CRMP1: variants seen among roughly 807,000 people sequenced by gnomAD.
CRMP1 encodes the protein dihydropyrimidinase-related protein 1.
A neutral mutation model predicts 68.3 loss-of-function variants in CRMP1; 19 were observed. That is an observed-to-expected ratio of 0.28 (90% CI 0.19 to 0.41). The LOEUF (loss-of-function observed/expected upper bound fraction) is 0.41, where lower values mean the gene tolerates loss of function less well. Among genes scored for constraint, CRMP1 ranks in the 10% least tolerant of loss-of-function variants. The pLI, the probability that CRMP1 is intolerant of heterozygous loss-of-function variation, is 1.00. For synonymous variants in CRMP1, 439 were observed against 399.6 expected (o/e 1.10, Z -1.18); for missense variants, 791 against 967.4 (o/e 0.82, Z 2.42).
chr4:5,892,549 C>G lies in CRMP1; in HGVS notation c.381+40G>C, dbSNP rs998471140. 3.4e-6 allele frequency: 4 copies of G among 1,167,870 alleles called. No homozygotes were observed. The highest frequency in any genetic ancestry group is 3.2e-6 in the Non-Finnish European group (3 of 946,684). The allele number at this position is 1,167,870 out of a possible 1,614,324, so 72.3% of individuals were successfully genotyped here. On this transcript the variant is annotated intron_variant, in intron 1 of 13. Coordinates refer to ENST00000324989, the MANE Select transcript of CRMP1 (RefSeq NM_001014809.3). The surrounding 1 kb of genome is among the most constrained non-coding windows in gnomAD (Gnocchi z 8.6). The stretch of plus-strand genomic sequence containing the variant: ...CCCCATGCCCTGGGTCCTCCCGGGG[C>G]CCGCCCCCCTCGTCTGGCCCGCGCG...
intron 6 of CRMP1, 142 bp downstream of exon 6, chr4:5,849,250 C>G (rs998030305): frequency 2.6e-5 from 17 of 651,870 alleles, no homozygotes; most frequent in Non-Finnish European, 4.1e-5. Flanking sequence ...TCATTCATAT[C>G]TGATGTGTCT....
intron 9 of CRMP1, among the ~76,000 whole-genome samples, chr4:5,837,697 T>TAAAATAAAATAAAATAAAAA (rs1188984429): frequency 2.7e-5 from 4 of 150,354 alleles, no homozygotes; most frequent in African/African-American, 7.4e-5. Flanking sequence ...TAAAATAAAA[T>TAAAATAAAATAAAATAAAAA]AAAAAATGAA....
At position 5,892,801 on chromosome 4, in the gene CRMP1, G is replaced by C; in HGVS notation, c.169C>G (p.Arg57Gly). Residue 57 changes from arginine to glycine, a missense_variant, in exon 1 of 14, where the codon CGC (arginine) becomes GGC (glycine). By Grantham distance (125) the Arg-to-Gly change is moderately radical (BLOSUM62 -2). Transcript: ENST00000324989. This position sits in a 1 kb window ranked among gnomAD's most constrained non-coding sequence, Gnocchi z 8.6. ...TIDFDAYSVG[R>G]RGSARTPRSA... ...CGCGGCGTGCGCGCCGAGCCGCGGC[G>C]GCCCACACTGTAGGCGTCGAAGTCG... 7.3e-7 allele frequency: 1 copy of C among 1,366,160 alleles called. No individual in the cohort carries two copies. The highest frequency in any genetic ancestry group is 9.5e-7 in the Non-Finnish European group (1 of 1,049,064). 84.6% of individuals were successfully genotyped at this position (1,366,160 alleles called of 1,614,324 possible). A position where few individuals can be genotyped will look rare whatever the true frequency, so the allele number is the denominator to read the frequency against.
chr4:5,857,054 A>AT (rs1713167676), intron 3 of CRMP1, among the ~76,000 whole-genome samples: 2 of 143,744 alleles, frequency 1.4e-5, no homozygotes, highest in South Asian at 4.5e-4. Context: ...TATCACCACT[A>AT]TCATTATCAC....
chr4:5,868,253 CTATATATCTATATATATATATATA>C (rs1297159706), intron 1 of CRMP1, among the ~76,000 whole-genome samples: 13 of 83,160 alleles, frequency 1.6e-4, no homozygotes, highest in Non-Finnish European at 2.6e-4. Context: ...TTCTTCATGA[CTATATATCTATATATATATATATA>C]TATATATATA....
intron 9 of CRMP1, 108 bp downstream of exon 9, chr4:5,839,414 C>G: frequency 7.4e-7 from 1 of 1,360,334 alleles, no homozygotes; most frequent in Non-Finnish European, 1.0e-6. Flanking sequence ...GGGGCAGAGC[C>G]TCCTCTACAA....
rs750333939 is a variant in CRMP1 at position 5,825,463 on chromosome 4, G to A, written c.1969+31C>T. ...GGACTCGGCCTGAACTGCTGCAATT[G>A]TGGGGAGCCTGGGCCACCACTCTTT... On this transcript the variant is annotated intron_variant, in intron 13 of 13. Transcript: ENST00000324989. The surrounding 1 kb of genome is among the most constrained non-coding windows in gnomAD (Gnocchi z 4.4). 3 of 1,540,468 alleles carry A rather than the reference G, an allele frequency of 1.9e-6. No homozygotes were observed. The highest frequency in any genetic ancestry group is 2.8e-5 in the African/African-American group (2 of 71,102).
Position 5,825,438 on chromosome 4 carries a change from G to A in CRMP1, c.1969+56C>T, listed in dbSNP as rs1719396483. ...TCCATTTCCTCAGAAGCAGCAGGAA[G>A]GACTCGGCCTGAACTGCTGCAATTG... On this transcript the variant is annotated intron_variant, in intron 13 of 13. Transcript: ENST00000324989. This position sits in a 1 kb window ranked among gnomAD's most constrained non-coding sequence, Gnocchi z 4.4. 1 of 1,504,536 alleles carries A rather than the reference G, an allele frequency of 6.6e-7. No individual in the cohort carries two copies. The highest frequency in any genetic ancestry group is 1.4e-5 in the African/African-American group (1 of 69,890). The allele number at this position is 1,504,536 out of a possible 1,614,324, so 93.2% of individuals were successfully genotyped here.
At position 5,825,372 on chromosome 4, in the gene CRMP1, C is replaced by T. The variant is rs1719384786; in HGVS notation, c.1969+122G>A. ...TGAGAGCAGGCTCGGGTGGGGCACA[C>T]TCCCTTCCCTGCTTCTTCATCTAGT... On this transcript the variant is annotated intron_variant, in intron 13 of 13. Transcript: ENST00000324989. This position sits in a 1 kb window ranked among gnomAD's most constrained non-coding sequence, Gnocchi z 4.4. 2.8e-6 allele frequency: 4 copies of T among 1,454,438 alleles called. No homozygotes were observed. The South Asian group carries it at 6.4e-5, about 23-fold the overall frequency. 90.1% of individuals were successfully genotyped at this position (1,454,438 alleles called of 1,614,324 possible). A position where few individuals can be genotyped will look rare whatever the true frequency, so the allele number is the denominator to read the frequency against.
chr4:5,883,248 C>T lies in CRMP1; in HGVS notation c.381+9341G>A, dbSNP rs944813465. 9.5e-6 allele frequency among the ~76,000 whole-genome samples: 1 copy of T among 105,566 alleles called. No homozygotes were observed. The highest frequency in any genetic ancestry group is 3.6e-5 in the African/African-American group (1 of 27,798). The allele number at this position is 105,566 out of a possible 152,430, so 69.3% of individuals were successfully genotyped here. On this transcript the variant is annotated intron_variant, in intron 1 of 13. Transcript: ENST00000324989. This position sits in a 1 kb window ranked among gnomAD's most constrained non-coding sequence, Gnocchi z 4.5. ...CCTGCCTGCTTTCCTTCCTTCCTTC[C>T]TTCCTTCCTTCCTCCCTCCCTCCCT...
chr4:5,828,466 C>A, intron 12 of CRMP1, 23 bp downstream of exon 12: 1 of 1,607,232 alleles, frequency 6.2e-7, no homozygotes, highest in South Asian at 1.1e-5. Flanking sequence ...CGGGTGGGCC[C>A]GCTCCCCTGC....
Position 5,843,234 on chromosome 4 carries a change from T to C in CRMP1, c.964-73A>G. ...GGGAGAAGTGACTCCTCCAACCCCC[T>C]GGTTAGACAGAGGGGGCAGCTGGGT... On this transcript the variant is annotated intron_variant, in intron 6 of 13. Coordinates refer to ENST00000324989, the MANE Select transcript of CRMP1 (RefSeq NM_001014809.3). The surrounding 1 kb of genome is among the most constrained non-coding windows in gnomAD (Gnocchi z 4.1). The C allele has an allele frequency of 6.6e-7, 1 of 1,513,600 alleles. No homozygotes were observed. The highest frequency in any genetic ancestry group is 9.2e-7 in the Non-Finnish European group (1 of 1,089,910). The allele number at this position is 1,513,600 out of a possible 1,614,324, so 93.8% of individuals were successfully genotyped here.
rs1242722322 is a variant in CRMP1, at chr4:5,870,868, C to T, written c.382-4112G>A. 6.6e-6 allele frequency among the ~76,000 whole-genome samples: 1 copy of T among 152,184 alleles called. No homozygotes were observed. Among genetic ancestry groups the T allele is most frequent in the Non-Finnish European group, 1.5e-5 (1 of 68,040 alleles). ...CGTCCAGGAAGCACCCACAAGCTGGCGTGCATGTTTCCCCGGCTCCAGAAC... is the reference window on the plus strand; with the variant it reads ...CGTCCAGGAAGCACCCACAAGCTGGTGTGCATGTTTCCCCGGCTCCAGAAC... On this transcript the variant is annotated intron_variant, in intron 1 of 13. Coordinates refer to ENST00000324989, the MANE Select transcript of CRMP1 (RefSeq NM_001014809.3). The surrounding 1 kb of genome is among the most constrained non-coding windows in gnomAD (Gnocchi z 6.0).
Position 5,872,974 on chromosome 4 carries a change from G to A in CRMP1, c.382-6218C>T, listed in dbSNP as rs564488442. Among the ~76,000 whole-genome samples the A allele has an allele frequency of 9.8e-5, 15 of 152,298 alleles. No individual in the cohort carries two copies. Among genetic ancestry groups the A allele is most frequent in the African/African-American group, 2.4e-4 (10 of 41,562 alleles). On this transcript the variant is annotated intron_variant, in intron 1 of 13. Coordinates refer to ENST00000324989, the MANE Select transcript of CRMP1 (RefSeq NM_001014809.3). This position sits in a 1 kb window ranked among gnomAD's most constrained non-coding sequence, Gnocchi z 4.6. ...ATGAGATGGGGATAATTGGCTCTGCGTCCTAGGCATGTATTTGAAGTGCTT... is the reference window on the plus strand; with the variant it reads ...ATGAGATGGGGATAATTGGCTCTGCATCCTAGGCATGTATTTGAAGTGCTT...
Position 5,892,546 on chromosome 4 carries a change from G to C in CRMP1, c.381+43C>G. 1.7e-6 allele frequency: 2 copies of C among 1,166,990 alleles called. No homozygotes were observed. The highest frequency in any genetic ancestry group is 2.1e-6 in the Non-Finnish European group (2 of 946,038). The allele number at this position is 1,166,990 out of a possible 1,614,324, so 72.3% of individuals were successfully genotyped here. ...GCGCCCCATGCCCTGGGTCCTCCCG[G>C]GGCCCGCCCCCCTCGTCTGGCCCGC... is the stretch of plus-strand genomic sequence containing the variant. On this transcript the variant is annotated intron_variant, in intron 1 of 13. Transcript: ENST00000324989. The surrounding 1 kb of genome is among the most constrained non-coding windows in gnomAD (Gnocchi z 8.6).
intron 4 of CRMP1, among the ~76,000 whole-genome samples, chr4:5,851,783 G>C (rs940734707): frequency 2.0e-5 from 3 of 150,260 alleles, no homozygotes; most frequent in Non-Finnish European, 4.4e-5. Context: ...AGGAGAAAGA[G>C]GACAAGGAGG....
In CRMP1 at chr4:5,834,592, A is replaced by G. The variant is rs534256463; in HGVS notation, c.1623+1323T>C. ...TTACCCAGTCTGTGGTATCTATTACAGTAGCACAAAATGGACCAAGACACC... is the reference window on the plus strand; with the variant it reads ...TTACCCAGTCTGTGGTATCTATTACGGTAGCACAAAATGGACCAAGACACC... On this transcript the variant is annotated intron_variant, in intron 11 of 13. Transcript: ENST00000324989. This position sits in a 1 kb window ranked among gnomAD's most constrained non-coding sequence, Gnocchi z 4.3. Among the ~76,000 whole-genome samples the G allele has an allele frequency of 3.3e-5, 5 of 152,310 alleles. No individual in the cohort carries two copies. In the East Asian group the frequency reaches 7.7e-4, roughly 24 times the overall value.
In CRMP1 at chr4:5,835,657, C is replaced by A. The variant is rs4285036; in HGVS notation, c.1623+258G>T. Among the ~76,000 whole-genome samples, 32,707 of 152,020 alleles carry A rather than the reference C, an allele frequency of 0.22. 3,627 individuals are homozygous for A. The highest frequency in any genetic ancestry group is 0.25 in the African/African-American group (10,430 of 41,436). On this transcript the variant is annotated intron_variant, in intron 11 of 13. Coordinates refer to ENST00000324989, the MANE Select transcript of CRMP1 (RefSeq NM_001014809.3). ...GTCAGATGGCTGGGAACACATGCAT[C>A]CATGGGCAGGAGCAAAGAGACAGAG...
At chr4:5,846,794 T>A (rs1432257444) in intron 6 of CRMP1, among the ~76,000 whole-genome samples, 1 of 92,442 alleles carries the variant, frequency 1.1e-5, no homozygotes, top group East Asian at 3.7e-4. Context: ...TTTTTTTTTT[T>A]AGTAGAGGCA....
Sources: gnomAD v4.1 joint callset for allele counts (sites outside exome capture counted in the v4.1 genomes callset) on GRCh38, gnomAD v4.1.1 for gene constraint, Gnocchi (gnomAD v3.1) non-coding constraint, MANE v1.5 for transcripts, NCBI Gene and HGNC (gene_info 2026-07-23, HGNC 2026-07-21) for gene names.